The following SCNN1B variants were observed in gnomAD, a reference collection of about 807,000 sequenced individuals.
SCNN1B encodes sodium channel epithelial 1 subunit beta.
A neutral mutation model predicts 65.3 loss-of-function variants in SCNN1B; 46 were observed. The ratio of observed to expected loss-of-function variants is 0.70; its 90% CI spans 0.56 to 0.90. SCNN1B has a LOEUF of 0.90. Ranked by LOEUF, SCNN1B falls within the 40% of genes least tolerant of loss-of-function variation. SCNN1B has a pLI of 0.00. For missense variants in SCNN1B, 751 were observed against 830.5 expected, an observed-to-expected ratio of 0.90 and a Z score of 1.18; for synonymous variants, 349 against 330.6, an observed-to-expected ratio of 1.06 and a Z score of -0.60.
At position 23,348,351 on chromosome 16, in the gene SCNN1B, G is replaced by A. The variant is rs1016584046; in HGVS notation, c.-8-241G>A. ...CATTGAGTCCAGAAGGACCATTTGA[G>A]TGCCTGGCATATAGTAGGCATTCAA... On this transcript the variant is annotated intron_variant, in intron 1 of 12. Coordinates refer to ENST00000343070, the MANE Select transcript of SCNN1B (RefSeq NM_000336.3). The surrounding 1 kb of genome is among the most constrained non-coding windows in gnomAD (Gnocchi z 4.5). 3.3e-5 allele frequency among the ~76,000 whole-genome samples: 5 copies of A among 151,980 alleles called. No individual in the cohort carries two copies. The highest frequency in any genetic ancestry group is 7.4e-5 in the Non-Finnish European group (5 of 68,020).
chr16:23,311,263 T>G (rs1377323704), intron 1 of SCNN1B, among the ~76,000 whole-genome samples: 1 of 152,220 alleles, frequency 6.6e-6, no homozygotes, highest in Non-Finnish European at 1.5e-5. Context: ...TTTCAGACCT[T>G]CAGGACCAAT....
chr16:23,345,756 C>T (rs776533494), intron 1 of SCNN1B, among the ~76,000 whole-genome samples: 8 of 152,182 alleles, frequency 5.3e-5, no homozygotes, highest in Non-Finnish European at 1.2e-4. Context: ...CACCTGAAAC[C>T]TCAGTGCAAG....
At chr16:23,332,015 C>A (rs566934489) in intron 1 of SCNN1B, among the ~76,000 whole-genome samples, 1 of 151,934 alleles carries the variant, frequency 6.6e-6, no homozygotes, top group Non-Finnish European at 1.5e-5. Flanking sequence ...GGAATGGGAT[C>A]TCTTGTCTTT....
chr16:23,368,964 G>T (rs938739004), intron 5 of SCNN1B, among the ~76,000 whole-genome samples: 10 of 152,244 alleles, frequency 6.6e-5, no homozygotes, highest in African/African-American at 7.2e-5. Context: ...TCCAGTGAAG[G>T]TTACACTAAA....
intron 1 of SCNN1B, among the ~76,000 whole-genome samples, chr16:23,333,458 C>A (rs1447205614): frequency 6.6e-6 from 1 of 152,198 alleles, no homozygotes; most frequent in East Asian, 1.9e-4. Context: ...CAGTTCCAAC[C>A]ACCCATGGTA....
At chr16:23,305,570 ATATATAT>A (rs1961193608) in intron 1 of SCNN1B, among the ~76,000 whole-genome samples, 14 of 30,622 alleles carry the variant, frequency 4.6e-4, no homozygotes, top group Admixed American at 7.0e-4. Context: ...ATATATATAT[ATATATAT>A]TATATATATA....
At chr16:23,333,094 G>A (rs1439025870) in intron 1 of SCNN1B, among the ~76,000 whole-genome samples, 1 of 120,356 alleles carries the variant, frequency 8.3e-6, no homozygotes, top group Non-Finnish European at 1.6e-5. Context: ...AAGAAGAAAG[G>A]GAGGAAGGAA....
chr16:23,288,371 A>G (rs1305358992), intron 2 of SCNN1B, among the ~76,000 whole-genome samples: 12 of 152,186 alleles, frequency 7.9e-5, no homozygotes, highest in African/African-American at 2.9e-4. Flanking sequence ...TTAGCTGACT[A>G]TTGCCACGTA....
chr16:23,354,416 C>T (rs544585194), intron 3 of SCNN1B, among the ~76,000 whole-genome samples: 31 of 152,364 alleles, frequency 2.0e-4, no homozygotes, highest in African/African-American at 2.4e-4. Flanking sequence ...TCCGGCTTCC[C>T]GGGTTCCAGC....
At chr16:23,379,051 C>T (rs1005324713) in intron 11 of SCNN1B, among the ~76,000 whole-genome samples, 3 of 150,652 alleles carry the variant, frequency 2.0e-5, no homozygotes, top group Admixed American at 6.6e-5. Flanking sequence ...AGCCATCCTC[C>T]ACTCATTCAT....
At position 23,288,624 on chromosome 16, in the gene SCNN1B, C is replaced by T. The variant is rs746398632; in HGVS notation, n.178+4820C>T. 4.6e-5 allele frequency among the ~76,000 whole-genome samples: 7 copies of T among 152,064 alleles called. No individual in the cohort carries two copies. The East Asian group carries it at 5.8e-4, about 13-fold the overall frequency. On this transcript the variant is annotated intron_variant and non_coding_transcript_variant, in intron 2 of 3. Coordinates refer to the SCNN1B transcript ENST00000569789. ...TTTAAGACCAGCCTGAGCAACATGG[C>T]GAAACCCTGCCTCTACAAAAAATAA... is the stretch of plus-strand genomic sequence containing the variant.
intron 3 of SCNN1B, chr16:23,353,307 T>C (rs1235068977): frequency 1.9e-5 from 11 of 579,808 alleles, no homozygotes; most frequent in African/African-American, 3.7e-5. Context: ...AGGCGATTCA[T>C]TGGCTCACAT....
chr16:23,326,846 G>T (rs995057473), intron 1 of SCNN1B, among the ~76,000 whole-genome samples: 78 of 152,188 alleles, frequency 5.1e-4, no homozygotes, highest in African/African-American at 1.8e-3. Flanking sequence ...GGTGACGTCT[G>T]GGTTTTCAGT....
At chr16:23,281,047 G>A (rs529019210) in intron 1 of SCNN1B, among the ~76,000 whole-genome samples, 12 of 152,168 alleles carry the variant, frequency 7.9e-5, no homozygotes, top group Admixed American at 1.3e-4. Context: ...GGCACAAATC[G>A]TGCCTCCTCT....
At chr16:23,311,005 G>A (rs1961329778) in intron 1 of SCNN1B, among the ~76,000 whole-genome samples, 1 of 152,208 alleles carries the variant, frequency 6.6e-6, no homozygotes, top group African/African-American at 2.4e-5. Flanking sequence ...GGGAGTGAAT[G>A]GCCTAGGCCA....
chr16:23,289,258 C>T (rs981762286), intron 2 of SCNN1B, among the ~76,000 whole-genome samples: 15 of 152,100 alleles, frequency 9.9e-5, no homozygotes, highest in Non-Finnish European at 1.5e-5. Flanking sequence ...TGTGTGGAGA[C>T]TCTAAACCAG....
intron 1 of SCNN1B, among the ~76,000 whole-genome samples, chr16:23,307,932 C>A (rs183918889): frequency 6.6e-6 from 1 of 152,260 alleles, no homozygotes; most frequent in African/African-American, 2.4e-5. Flanking sequence ...GTAGTCCCAG[C>A]TACTTGGGAG....
chr16:23,331,739 A>G (rs1961816615), intron 1 of SCNN1B, among the ~76,000 whole-genome samples: 1 of 152,176 alleles, frequency 6.6e-6, no homozygotes, highest in Admixed American at 6.5e-5. Flanking sequence ...GTGGGGGGAC[A>G]CATTCATTCA....
chr16:23,380,711 C>T lies in SCNN1B; in HGVS notation c.1833C>T (p.Pro611=). The T allele has an allele frequency of 1.2e-6, 2 of 1,612,490 alleles. No homozygotes were observed. The highest frequency in any genetic ancestry group is 2.2e-5 in the South Asian group (2 of 91,022). The change falls in exon 13 of 13, where the codon CCC becomes CCT. Residue 611 remains proline (P), a synonymous_variant. Transcript: ENST00000343070. This position sits in a 1 kb window ranked among gnomAD's most constrained non-coding sequence, Gnocchi z 5.4. ...TGPYPSEQAL[P]IPGTPPPNYD... Reference sequence around the variant, plus strand: ...CCTACCCCAGTGAGCAGGCCCTGCCCATCCCAGGCACCCCGCCCCCCAACT... The same window carrying T: ...CCTACCCCAGTGAGCAGGCCCTGCCTATCCCAGGCACCCCGCCCCCCAACT...
Sources: allele counts gnomAD v4.1 joint callset (sites outside exome capture counted in the v4.1 genomes callset), GRCh38; gene constraint gnomAD v4.1.1; non-coding constraint Gnocchi (gnomAD v3.1); transcripts MANE v1.5; gene names NCBI Gene and HGNC (gene_info 2026-07-23, HGNC 2026-07-21).